The following FBRSL1 variants were observed in gnomAD, a reference collection of about 807,000 sequenced individuals.
FBRSL1 encodes fibrosin-1-like protein.
Under a neutral mutation model 89.6 loss-of-function variants are expected in FBRSL1, and 51 were observed. The observed-to-expected ratio is 0.57, with a 90% CI of 0.45 to 0.72. The LOEUF (loss-of-function observed/expected upper bound fraction) is 0.72. Ranked by LOEUF, FBRSL1 falls within the 30% of genes least tolerant of loss-of-function variation. The probability of loss-of-function intolerance (pLI) is 0.00; values close to 1 mark genes in which losing one functional copy is unlikely to be tolerated. For missense variants in FBRSL1, 1,618 were observed against 1,451.8 expected, an observed-to-expected ratio of 1.11 and a Z score of -1.86; for synonymous variants, 779 against 681.1, an observed-to-expected ratio of 1.14 and a Z score of -2.24.
rs1170370341 is a variant in FBRSL1, at chr12:132,582,054, G to A, written c.1997-8G>A. The A allele has an allele frequency of 1.2e-5, 18 of 1,542,594 alleles. No individual in the cohort carries two copies. Among genetic ancestry groups the A allele is most frequent in the Non-Finnish European group, 4.4e-6 (5 of 1,142,564 alleles). On this transcript the variant is annotated splice_region_variant and splice_polypyrimidine_tract_variant and intron_variant, in intron 17 of 18. Coordinates refer to ENST00000680143, the MANE Select transcript of FBRSL1 (RefSeq NM_001367871.1). ...CCCAACCTCATGCTCCCCGGCCTCTGCCCCCAGCTCCCGGTGGCAGCATCT... is the reference window on the plus strand; with the variant it reads ...CCCAACCTCATGCTCCCCGGCCTCTACCCCCAGCTCCCGGTGGCAGCATCT...
At chr12:132,536,412 CATG>C (rs1352675230) in intron 4 of FBRSL1, among the ~76,000 whole-genome samples, 2 of 150,000 alleles carry the variant, frequency 1.3e-5, no homozygotes, top group Non-Finnish European at 2.9e-5. Flanking sequence ...TGATTCTGTA[CATG>C]ATGGTGTGTG....
At chr12:132,581,561 A>T (rs1055480106) in intron 16 of FBRSL1, 45 bp downstream of exon 16, 2 of 1,545,140 alleles carry the variant, frequency 1.3e-6, no homozygotes, top group Admixed American at 2.0e-5. Context: ...CTGGTTCCTC[A>T]GCAGCCTTGT....
rs1342968767 is a variant in FBRSL1, at chr12:132,570,179, T to C, written c.945T>C (p.Pro315=). Residue 315 remains proline, a synonymous_variant, in exon 7 of 19, where the codon CCT becomes CCC. Coordinates refer to ENST00000680143, the MANE Select transcript of FBRSL1 (RefSeq NM_001367871.1). ...QPRGLLPTHV[P]ASLGAFAGHS... ...GCGGCCTGCTCCCGACACACGTGCC[T>C]GCATCCCTGGGCGCCTTCGCGGGCC... is the stretch of plus-strand genomic sequence containing the variant. 1.9e-5 allele frequency: 28 copies of C among 1,505,638 alleles called. No individual in the cohort carries two copies. Among genetic ancestry groups the C allele is most frequent in the Non-Finnish European group, 2.5e-5 (28 of 1,135,350 alleles). 93.3% of individuals were successfully genotyped at this position (1,505,638 alleles called of 1,614,324 possible). A position where few individuals can be genotyped will look rare whatever the true frequency, so the allele number is the denominator to read the frequency against.
chr12:132,569,045 G>T (rs987013918), intron 6 of FBRSL1, among the ~76,000 whole-genome samples: 9 of 152,158 alleles, frequency 5.9e-5, no homozygotes, highest in South Asian at 4.1e-4. Context: ...CATGCGGCAC[G>T]TGGAACGTTG....
rs751317658 is a variant in FBRSL1 at position 132,508,369 on chromosome 12, G to T, written c.489+19G>T. On this transcript the variant is annotated intron_variant, in intron 2 of 18. Transcript: ENST00000680143. ...CAAGCAGGTGAGCAGGTCCCTCCCCGACCGGAAGCTCTGCGGCGGGTCAGT... is the reference window on the plus strand; with the variant it reads ...CAAGCAGGTGAGCAGGTCCCTCCCCTACCGGAAGCTCTGCGGCGGGTCAGT... 3 of 1,477,622 alleles carry T rather than the reference G, an allele frequency of 2.0e-6. No homozygotes were observed. Among genetic ancestry groups the T allele is most frequent in the Non-Finnish European group, 2.7e-6 (3 of 1,114,382 alleles). The allele number at this position is 1,477,622 out of a possible 1,614,324, so 91.5% of individuals were successfully genotyped here.
chr12:132,556,174 C>G (rs11830409), intron 5 of FBRSL1, among the ~76,000 whole-genome samples: 2,557 of 152,284 alleles, frequency 0.017, 68 homozygotes, highest in African/African-American at 0.057. Flanking sequence ...CTGGCTTTTG[C>G]TTTTCTCCCG....
chr12:132,519,058 G>C (rs180957597), intron 2 of FBRSL1, among the ~76,000 whole-genome samples: 1 of 152,254 alleles, frequency 6.6e-6, no homozygotes, highest in African/African-American at 2.4e-5. Context: ...GGAGTGTCCC[G>C]CACTGGGCGG....
intron 4 of FBRSL1, among the ~76,000 whole-genome samples, chr12:132,532,408 C>T (rs544189695): frequency 6.6e-6 from 1 of 152,306 alleles, no homozygotes; most frequent in East Asian, 1.9e-4. Context: ...TGCCCAGCCC[C>T]TTGTGCCCAT....
At chr12:132,536,229 GGT>G (rs917327957) in intron 4 of FBRSL1, among the ~76,000 whole-genome samples, 2 of 148,632 alleles carry the variant, frequency 1.3e-5, no homozygotes, top group Admixed American at 6.7e-5. Context: ...CGTGTAAAAT[GGT>G]GTGAGTGCAC....
At chr12:132,536,491 G>A (rs933683526) in intron 4 of FBRSL1, among the ~76,000 whole-genome samples, 1 of 151,062 alleles carries the variant, frequency 6.6e-6, no homozygotes, top group African/African-American at 2.4e-5. Context: ...TGTACATGAA[G>A]GTGTGTCGTG....
chr12:132,527,014 A>T (rs2035842612), intron 3 of FBRSL1, among the ~76,000 whole-genome samples: 2 of 152,084 alleles, frequency 1.3e-5, no homozygotes, highest in African/African-American at 4.8e-5. Flanking sequence ...TCCCCACCAG[A>T]GGTGTGGGGG....
chr12:132,507,372 GAGCC>G (rs2033811358), intron 1 of FBRSL1: 3 of 985,502 alleles, frequency 3.0e-6, no homozygotes, highest in Non-Finnish European at 3.6e-6. Flanking sequence ...GCCAGGAGCT[GAGCC>G]AGCATACAGA....
At chr12:132,534,676 G>A (rs1241729720) in intron 4 of FBRSL1, among the ~76,000 whole-genome samples, 1 of 152,246 alleles carries the variant, frequency 6.6e-6, no homozygotes, top group Non-Finnish European at 1.5e-5. Flanking sequence ...GGTCTCCTGG[G>A]GATGGTGGCT....
At chr12:132,513,355 G>A (rs1265859685) in intron 2 of FBRSL1, among the ~76,000 whole-genome samples, 1 of 152,114 alleles carries the variant, frequency 6.6e-6, no homozygotes, top group African/African-American at 2.4e-5. Context: ...AGATGGGCTT[G>A]TGTCCTGGCT....
At chr12:132,538,080 G>C (rs1032948515) in intron 4 of FBRSL1, among the ~76,000 whole-genome samples, 3 of 152,190 alleles carry the variant, frequency 2.0e-5, no homozygotes, top group Non-Finnish European at 4.4e-5. Flanking sequence ...GTCAGAGTGA[G>C]CTTGGGTGTG....
chr12:132,570,485 G>T lies in FBRSL1; in HGVS notation c.1158G>T (p.Leu386=). 2 of 1,529,176 alleles carry T rather than the reference G, an allele frequency of 1.3e-6. No individual in the cohort carries two copies. The highest frequency in any genetic ancestry group is 2.4e-5 in the South Asian group (2 of 83,096). 94.7% of individuals were successfully genotyped at this position (1,529,176 alleles called of 1,614,324 possible). ...CCATGTTTGCCGCACCCCCGACACTGCCCCCGCCCCCGGCGCTGCCGGCCA... is the reference window on the plus strand; with the variant it reads ...CCATGTTTGCCGCACCCCCGACACTTCCCCCGCCCCCGGCGCTGCCGGCCA... The part of the protein sequence containing the change: ...HAAMFAAPPT[L]PPPPALPASS... Residue 386 remains leucine, a synonymous_variant, in exon 8 of 19, where the codon CTG becomes CTT. Transcript: ENST00000680143.
intron 1 of FBRSL1, 53 bp from the exon 2 acceptor site, chr12:132,508,100 C>T: frequency 1.4e-6 from 2 of 1,462,868 alleles, no homozygotes; most frequent in Non-Finnish European, 1.9e-6. Flanking sequence ...CTGTCCTGGG[C>T]CCAAGGCCCT....
intron 5 of FBRSL1, among the ~76,000 whole-genome samples, chr12:132,561,098 ATGGGCGTGGC>A (rs1244033684): frequency 1.2e-4 from 18 of 152,152 alleles, no homozygotes; most frequent in African/African-American, 3.9e-4. Flanking sequence ...GCCCTCCCGG[ATGGGCGTGGC>A]TGCACCTGGC....
chr12:132,515,747 A>G (rs1428820632), intron 2 of FBRSL1, among the ~76,000 whole-genome samples: 4 of 151,854 alleles, frequency 2.6e-5, no homozygotes, highest in Non-Finnish European at 4.4e-5. Flanking sequence ...AAAAATACAA[A>G]AAATTAGCCA....
Sources: gnomAD v4.1 joint callset for allele counts (sites outside exome capture counted in the v4.1 genomes callset) on GRCh38, gnomAD v4.1.1 for gene constraint, MANE v1.5 for transcripts, NCBI Gene and HGNC (gene_info 2026-07-23, HGNC 2026-07-21) for gene names.